HIVEP3: variants seen among roughly 807,000 people sequenced by gnomAD.
The protein encoded by HIVEP3 is HIVEP zinc finger 3.
A neutral mutation model predicts 152.8 loss-of-function variants in HIVEP3; 49 were observed. The observed-to-expected ratio is 0.32, with a 90% confidence interval of 0.26 to 0.41. The LOEUF (loss-of-function observed/expected upper bound fraction) is 0.41, where lower values mean the gene tolerates loss of function less well. Ranked by LOEUF, HIVEP3 falls within the 10% of genes least tolerant of loss-of-function variation. The probability of loss-of-function intolerance (pLI) is 1.00; values close to 1 mark genes in which losing one functional copy is unlikely to be tolerated. For missense variants in HIVEP3, 2,790 were observed against 3,103.3 expected, an observed-to-expected ratio of 0.90 and a Z score of 2.40; for synonymous variants, 1,269 against 1,289.0, an observed-to-expected ratio of 0.98 and a Z score of 0.33.
chr1:41,797,713 G>A (rs1431892561), intron 1 of HIVEP3, among the ~76,000 whole-genome samples: 8 of 152,160 alleles, frequency 5.3e-5, no homozygotes, highest in Admixed American at 5.2e-4. Context: ...ATTAGGTCAG[G>A]CACGGTGGCT....
At position 41,582,483 on chromosome 1, in the gene HIVEP3, C is replaced by G; in HGVS notation, c.2315G>C (p.Gly772Ala). 1 of 1,613,146 alleles carries G rather than the reference C, an allele frequency of 6.2e-7. No individual in the cohort carries two copies. Among genetic ancestry groups the G allele is most frequent in the Non-Finnish European group, 8.5e-7 (1 of 1,179,310 alleles). The change falls in exon 4 of 9, where the codon GGC becomes GCC. Residue 772 changes from glycine (G) to alanine (A), a missense_variant. Coordinates refer to ENST00000372583, the MANE Select transcript of HIVEP3 (RefSeq NM_024503.5). This position sits in a 1 kb window ranked among gnomAD's most constrained non-coding sequence, Gnocchi z 4.7. ...TGGCTTGGGAGTCCTTGGCTGGAAG[C>G]CCGTGGGTCCCTCCAAGGAGGGCAC... ...KSVPSLEGPT[G>A]FQPRTPKPGS...
rs377055109 is a variant in HIVEP3, at chr1:41,906,732, G to A, written c.-801+11681C>T. Among the ~76,000 whole-genome samples, 188 of 152,172 alleles carry A rather than the reference G, an allele frequency of 1.2e-3. 1 individual carries two copies. Among genetic ancestry groups the A allele is most frequent in the African/African-American group, 4.3e-3 (178 of 41,508 alleles). Reference sequence around the variant, plus strand: ...ATTTTAACAAGAGACTTGATGTCATGCAGTCAAAAGTGAACTGTGCTATGC... The same window carrying A: ...ATTTTAACAAGAGACTTGATGTCATACAGTCAAAAGTGAACTGTGCTATGC... On this transcript the variant is annotated intron_variant, in intron 1 of 8. Coordinates refer to ENST00000372583, the MANE Select transcript of HIVEP3 (RefSeq NM_024503.5).
intron 5 of HIVEP3, among the ~76,000 whole-genome samples, chr1:41,566,919 G>A (rs1644173168): frequency 6.6e-6 from 1 of 151,928 alleles, no homozygotes; most frequent in South Asian, 2.1e-4. Flanking sequence ...TCTCCCCCAA[G>A]ATGGCCCATC....
intron 3 of HIVEP3, among the ~76,000 whole-genome samples, chr1:41,588,586 G>A (rs1170130964): frequency 6.6e-6 from 1 of 151,952 alleles, no homozygotes; most frequent in East Asian, 1.9e-4. Context: ...ATGACTACAG[G>A]GCCAGCACTG....
rs149979492 is a variant in HIVEP3, at chr1:41,849,870, T to C, written c.-801+68543A>G. On this transcript the variant is annotated intron_variant, in intron 1 of 8. Transcript: ENST00000372583. ...CATGCCCAGCTAATTTTTGTATTTT[T>C]AGTAGACATGGGGTTTCACCATGTT... Among the ~76,000 whole-genome samples the C allele has an allele frequency of 7.5e-3, 1,145 of 152,190 alleles. 16 individuals are homozygous for C. Among genetic ancestry groups the C allele is most frequent in the African/African-American group, 0.026 (1,099 of 41,508 alleles).
intron 2 of HIVEP3, among the ~76,000 whole-genome samples, chr1:41,674,958 AT>A (rs1645932947): frequency 6.6e-6 from 1 of 151,878 alleles, no homozygotes; most frequent in African/African-American, 2.4e-5. Flanking sequence ...TCTGCACCCC[AT>A]TTTCACAGCC....
intron 5 of HIVEP3, among the ~76,000 whole-genome samples, chr1:41,569,967 G>C (rs995032236): frequency 2.6e-5 from 4 of 152,256 alleles, no homozygotes; most frequent in Non-Finnish European, 4.4e-5. Flanking sequence ...CAGTTCTGCA[G>C]TATGCGCTGT....
intron 1 of HIVEP3, among the ~76,000 whole-genome samples, chr1:41,758,250 C>A (rs992683075): frequency 2.6e-5 from 4 of 151,990 alleles, no homozygotes; most frequent in Non-Finnish European, 5.9e-5. Flanking sequence ...GGAGTGAGAA[C>A]CCTCATAAGA....
At chr1:41,883,212 G>A (rs1281660874) in intron 1 of HIVEP3, among the ~76,000 whole-genome samples, 1 of 152,086 alleles carries the variant, frequency 6.6e-6, no homozygotes, top group East Asian at 1.9e-4. Flanking sequence ...CTGACTGGCT[G>A]GGGTGGGACT....
intron 1 of HIVEP3, among the ~76,000 whole-genome samples, chr1:41,839,581 C>T (rs1026023399): frequency 1.3e-5 from 2 of 152,192 alleles, no homozygotes; most frequent in Non-Finnish European, 2.9e-5. Flanking sequence ...AGGGATGGAA[C>T]TAACAAATCG....
chr1:41,584,697 C>A lies in HIVEP3; in HGVS notation c.101G>T (p.Ser34Ile). 6.4e-7 allele frequency: 1 copy of A among 1,563,218 alleles called. No individual in the cohort carries two copies. Among genetic ancestry groups the A allele is most frequent in the South Asian group, 1.2e-5 (1 of 81,710 alleles). Residue 34 changes from serine (S) to isoleucine (I), a missense_variant, in exon 4 of 9, where the codon AGC (serine) becomes ATC (isoleucine). Ser to Ile is a moderately radical substitution (Grantham distance 142). This residue lies in a region of HIVEP3 where 209 missense variants were observed against 237.0 expected (regional missense o/e 0.88). Transcript: ENST00000372583. The surrounding 1 kb of genome is among the most constrained non-coding windows in gnomAD (Gnocchi z 5.2). ...TGTGCCGCTGCCTGGGTATGGGACGCTGGAAGAAACACTGGTCTGAATGGC... is the reference window on the plus strand; with the variant it reads ...TGTGCCGCTGCCTGGGTATGGGACGATGGAAGAAACACTGGTCTGAATGGC... The part of the protein sequence containing the change: ...GEAIQTSVSS[S>I]VPYPGSGTAA...
At chr1:41,921,462 T>C (rs1004656420), upstream of HIVEP3, among the ~76,000 whole-genome samples, 9 of 152,188 alleles carry the variant, frequency 5.9e-5, no homozygotes, top group African/African-American at 2.2e-4. Flanking sequence ...ACACGCTCTC[T>C]TGCCTGCCAC....
intron 1 of HIVEP3, among the ~76,000 whole-genome samples, chr1:41,915,735 C>CAAGAT (rs1160729980): frequency 6.6e-6 from 1 of 152,148 alleles, no homozygotes; most frequent in Non-Finnish European, 1.5e-5. Flanking sequence ...TTTTTCTTCT[C>CAAGAT]AAGATAGTTC....
intron 2 of HIVEP3, among the ~76,000 whole-genome samples, chr1:41,693,185 T>C (rs1184843448): frequency 6.6e-6 from 1 of 152,202 alleles, no homozygotes; most frequent in African/African-American, 2.4e-5. Context: ...CACATAAACC[T>C]TGGGCACTTT....
At chr1:41,534,714 C>T (rs1643355506) in intron 5 of HIVEP3, among the ~76,000 whole-genome samples, 1 of 152,228 alleles carries the variant, frequency 6.6e-6, no homozygotes, top group Non-Finnish European at 1.5e-5. Context: ...TTTCCTGGGG[C>T]CTGTGATCCT....
intron 5 of HIVEP3, chr1:41,542,916 G>A (rs1178080321): frequency 6.6e-6 from 1 of 152,222 alleles, no homozygotes; most frequent in Non-Finnish European, 1.5e-5. Context: ...AAAGCCTCAG[G>A]AAAGTTAACC....
At chr1:41,987,436 T>C (rs141644814) in intron 1 of HIVEP3, among the ~76,000 whole-genome samples, 2,440 of 152,120 alleles carry the variant, frequency 0.016, 40 homozygotes, top group Non-Finnish European at 0.021. Context: ...TCATATGGAA[T>C]CACAAAAGAC....
chr1:41,980,982 C>A (rs538447853), intron 1 of HIVEP3, among the ~76,000 whole-genome samples: 2 of 152,304 alleles, frequency 1.3e-5, no homozygotes, highest in East Asian at 3.9e-4. Context: ...CAAGGCAAGA[C>A]CAGTGCAAAC....
At chr1:41,560,579 C>G (rs1171796374) in intron 5 of HIVEP3, among the ~76,000 whole-genome samples, 1 of 152,180 alleles carries the variant, frequency 6.6e-6, no homozygotes, top group African/African-American at 2.4e-5. Context: ...TGCGGCCAGG[C>G]TGGAAAACCT....
Sources: gnomAD v4.1 joint callset for allele counts (sites outside exome capture counted in the v4.1 genomes callset) on GRCh38, gnomAD v4.1.1 for gene constraint, gnomAD v4.1.1 regional missense constraint, Gnocchi (gnomAD v3.1) non-coding constraint, MANE v1.5 for transcripts, NCBI Gene and HGNC (gene_info 2026-07-23, HGNC 2026-07-21) for gene names.